BBX: variants seen among roughly 807,000 people sequenced by gnomAD.
The protein encoded by BBX is HMG box transcription factor BBX.
Under a neutral mutation model 100.2 loss-of-function variants are expected in BBX, and 30 were observed. That is an observed-to-expected ratio of 0.30 (90% CI 0.22 to 0.41). BBX has a LOEUF of 0.41. Ranked by LOEUF, BBX falls within the 10% of genes least tolerant of loss-of-function variation. The probability of loss-of-function intolerance (pLI) is 1.00; values close to 1 mark genes in which losing one functional copy is unlikely to be tolerated. For missense variants in BBX, 1,023 were observed against 1,129.8 expected, an observed-to-expected ratio of 0.91 and a Z score of 1.35; for synonymous variants, 376 against 388.1, an observed-to-expected ratio of 0.97 and a Z score of 0.37.
chr3:107,565,776 T>C (rs1286438036), intron 2 of BBX, among the ~76,000 whole-genome samples: 1 of 151,968 alleles, frequency 6.6e-6, no homozygotes, highest in Non-Finnish European at 1.5e-5. Context: ...TTTTATTTTT[T>C]ATTTTTTTGA....
intron 3 of BBX, among the ~76,000 whole-genome samples, chr3:107,686,933 G>A (rs912336329): frequency 6.6e-6 from 1 of 152,086 alleles, no homozygotes; most frequent in African/African-American, 2.4e-5. Context: ...AATAAATTAT[G>A]CACTGAATTG....
chr3:107,554,796 T>C lies in BBX; in HGVS notation c.-84+28398T>C, dbSNP rs1208308129. On this transcript the variant is annotated intron_variant, in intron 2 of 17. Transcript: ENST00000325805. ...AAAAGATTGATAAAGTAGCTGGGCGTGGTGGCTCATGCCTGTAATCCCAGC... is the reference window on the plus strand; with the variant it reads ...AAAAGATTGATAAAGTAGCTGGGCGCGGTGGCTCATGCCTGTAATCCCAGC... 2.6e-5 allele frequency among the ~76,000 whole-genome samples: 4 copies of C among 152,148 alleles called. No individual in the cohort carries two copies. In the East Asian group the frequency reaches 7.7e-4, roughly 29 times the overall value.
chr3:107,783,711 A>T (rs1278992601), intron 13 of BBX, among the ~76,000 whole-genome samples: 1 of 152,070 alleles, frequency 6.6e-6, no homozygotes, highest in Admixed American at 6.6e-5. Flanking sequence ...TGGGTTGTAT[A>T]AAACACATGA....
intron 3 of BBX, among the ~76,000 whole-genome samples, chr3:107,668,830 A>G (rs1215594513): frequency 6.6e-6 from 1 of 152,174 alleles, no homozygotes; most frequent in Non-Finnish European, 1.5e-5. Flanking sequence ...ATGGCTTCCA[A>G]GACAGTTTTC....
intron 2 of BBX, among the ~76,000 whole-genome samples, chr3:107,554,551 A>G (rs1430581481): frequency 2.0e-5 from 3 of 152,206 alleles, no homozygotes; most frequent in African/African-American, 7.2e-5. Context: ...TTAATATACA[A>G]AGTAACCAAA....
intron 2 of BBX, among the ~76,000 whole-genome samples, chr3:107,583,030 G>A (rs1416935058): frequency 1.3e-5 from 2 of 151,500 alleles, no homozygotes; most frequent in Non-Finnish European, 2.9e-5. Context: ...ACGCAAGGCT[G>A]TTAGCCTCAT....
chr3:107,700,391 G>C (rs1312417042), intron 3 of BBX, among the ~76,000 whole-genome samples: 1 of 147,530 alleles, frequency 6.8e-6, no homozygotes, highest in African/African-American at 2.5e-5. Context: ...TAAGCAGGAG[G>C]CAAAGGTATT....
At chr3:107,724,752 G>C (rs1463167623) in intron 5 of BBX, among the ~76,000 whole-genome samples, 1 of 152,142 alleles carries the variant, frequency 6.6e-6, no homozygotes, top group Non-Finnish European at 1.5e-5. Context: ...GCTCTGTTCT[G>C]TTCCATTGGT....
intron 2 of BBX, among the ~76,000 whole-genome samples, chr3:107,576,423 TG>T (rs1382906156): frequency 6.6e-6 from 1 of 152,226 alleles, no homozygotes; most frequent in Non-Finnish European, 1.5e-5. Context: ...CTGGAGAAGA[TG>T]TTGTCTGAAA....
At chr3:107,581,243 C>T (rs2052254617) in intron 2 of BBX, among the ~76,000 whole-genome samples, 1 of 151,940 alleles carries the variant, frequency 6.6e-6, no homozygotes, top group Non-Finnish European at 1.5e-5. Flanking sequence ...CATTATTATA[C>T]ACTTATATAT....
At chr3:107,626,856 A>G (rs531619743) in intron 2 of BBX, among the ~76,000 whole-genome samples, 3 of 151,744 alleles carry the variant, frequency 2.0e-5, no homozygotes, top group South Asian at 4.2e-4. Flanking sequence ...GGTTTCATCA[A>G]ATTTGCCAGG....
Position 107,807,536 on chromosome 3 carries a change from C to A in BBX, c.*2079C>A, listed in dbSNP as rs1442635760. 6.6e-6 allele frequency: 1 copy of A among 152,040 alleles called. No individual in the cohort carries two copies. Among genetic ancestry groups the A allele is most frequent in the Non-Finnish European group, 1.5e-5 (1 of 67,996 alleles). The allele number at this position is 152,040 out of a possible 1,614,324, so 9.4% of individuals were successfully genotyped here. On this transcript the variant is annotated 3_prime_UTR_variant, in exon 18 of 18. Transcript: ENST00000325805. Reference sequence around the variant, plus strand: ...ATTAGCTAAAATCCAAAACAAAAAACCAACAACAAAAATTGTATGGTGCGG... The same window carrying A: ...ATTAGCTAAAATCCAAAACAAAAAAACAACAACAAAAATTGTATGGTGCGG...
intron 1 of BBX, among the ~76,000 whole-genome samples, chr3:107,524,917 T>C (rs1432006345): frequency 6.6e-6 from 1 of 151,628 alleles, no homozygotes; most frequent in East Asian, 2.0e-4. Flanking sequence ...CCTGTCCTGC[T>C]AATGACACGT....
rs1276510891 is a variant in BBX, at chr3:107,811,026, G to A, written c.*5569G>A. ...CAACAGAATTATTGCTTTCTTAGAT[G>A]TATGTGTAGTAAAAGTCAATATACA... On this transcript the variant is annotated 3_prime_UTR_variant, in exon 18 of 18. Coordinates refer to ENST00000325805, the MANE Select transcript of BBX (RefSeq NM_001142568.3). 1.3e-5 allele frequency: 2 copies of A among 151,838 alleles called. No homozygotes were observed. Among genetic ancestry groups the A allele is most frequent in the African/African-American group, 2.4e-5 (1 of 41,304 alleles). The allele number at this position is 151,838 out of a possible 1,614,324, so 9.4% of individuals were successfully genotyped here.
At chr3:107,781,845 C>T (rs1382780302) in intron 13 of BBX, among the ~76,000 whole-genome samples, 2 of 151,978 alleles carry the variant, frequency 1.3e-5, no homozygotes, top group African/African-American at 4.8e-5. Flanking sequence ...CATTTTAAGA[C>T]TAAAATCAAA....
intron 3 of BBX, chr3:107,662,645 T>G (rs1165500540): frequency 2.7e-3 from 39 of 14,646 alleles, no homozygotes; most frequent in Non-Finnish European, 3.9e-3. Context: ...AAGTCTGGGT[T>G]TTTTTTTTTT....
chr3:107,540,734 T>C (rs866533673), intron 2 of BBX, among the ~76,000 whole-genome samples: 1 of 152,232 alleles, frequency 6.6e-6, no homozygotes, highest in East Asian at 1.9e-4. Context: ...GATTGAATTA[T>C]TTCATATATG....
At chr3:107,741,435 A>G (rs2064100956) in intron 7 of BBX, among the ~76,000 whole-genome samples, 2 of 152,184 alleles carry the variant, frequency 1.3e-5, no homozygotes, top group Non-Finnish European at 2.9e-5. Context: ...AATCAAATGA[A>G]TATGTACTTA....
At chr3:107,728,679 C>A in intron 5 of BBX, 86 bp from the exon 6 acceptor site, 4 of 1,232,556 alleles carry the variant, frequency 3.2e-6, no homozygotes, top group African/African-American at 1.5e-5. Context: ...CACTTGGTAT[C>A]TAAATAGGGG....
Sources: gnomAD v4.1 joint callset for allele counts (sites outside exome capture counted in the v4.1 genomes callset) on GRCh38, gnomAD v4.1.1 for gene constraint, MANE v1.5 for transcripts, NCBI Gene and HGNC (gene_info 2026-07-23, HGNC 2026-07-21) for gene names.